Variants in BMP2K observed in about 807,000 individuals in gnomAD.
BMP2K encodes BMP2 inducible kinase.
A neutral mutation model predicts 116.0 loss-of-function variants in BMP2K; 74 were observed. The observed-to-expected ratio is 0.64, with a 90% CI of 0.53 to 0.77. BMP2K has a LOEUF of 0.77. Ranked by LOEUF, BMP2K falls within the 30% of genes least tolerant of loss-of-function variation. The pLI is 0.00. For missense variants in BMP2K, 1,365 were observed against 1,403.6 expected (o/e 0.97, Z 0.44); for synonymous variants, 486 against 502.5 (o/e 0.97, Z 0.44).
In BMP2K at chr4:78,878,191, A is replaced by C. The variant is rs181508153; in HGVS notation, c.1794-543A>C. On this transcript the variant is annotated intron_variant, in intron 13 of 15. Coordinates refer to ENST00000502613, the MANE Select transcript of BMP2K (RefSeq NM_198892.2). The stretch of plus-strand genomic sequence containing the variant: ...TCCTAGCAATTCATCTTTTGTTGGT[A>C]GCTATATATAGGGAATGCCTTTGTC... Among the ~76,000 whole-genome samples, 393 of 152,256 alleles carry C rather than the reference A, an allele frequency of 2.6e-3. 1 individual carries two copies. The highest frequency in any genetic ancestry group is 4.4e-3 in the Non-Finnish European group (301 of 68,006).
At chr4:78,897,165 T>A (rs1282245248) in intron 15 of BMP2K, among the ~76,000 whole-genome samples, 2 of 151,658 alleles carry the variant, frequency 1.3e-5, no homozygotes, top group Non-Finnish European at 2.9e-5. Flanking sequence ...AAAACTTTTT[T>A]TTGAGAGCAG....
chr4:78,783,016 C>A (rs541308596), intron 1 of BMP2K, among the ~76,000 whole-genome samples: 2 of 152,338 alleles, frequency 1.3e-5, no homozygotes, highest in African/African-American at 4.8e-5. Flanking sequence ...CAAATCTCTT[C>A]ATAACTATGA....
intron 15 of BMP2K, among the ~76,000 whole-genome samples, chr4:78,889,113 C>T (rs932654761): frequency 8.7e-5 from 13 of 148,794 alleles, no homozygotes; most frequent in Non-Finnish European, 1.6e-4. Context: ...CCCAGCTACT[C>T]GGGAGGCTAA....
Position 78,790,616 on chromosome 4 carries a change from C to CA in BMP2K, c.178+13902dup, listed in dbSNP as rs1578468583. ...TATTTCTTCCTAAATAAACTCAGTA[C>CA]AAAAAAAGATAATTTTTCTAATATT... On this transcript the variant is annotated intron_variant, in intron 1 of 15. Transcript: ENST00000502613. Among the ~76,000 whole-genome samples the CA allele has an allele frequency of 2.0e-5, 3 of 152,114 alleles. No homozygotes were observed. In the East Asian group the frequency reaches 5.8e-4, roughly 29 times the overall value.
At chr4:78,874,820 T>C (rs1165073616) in intron 13 of BMP2K, among the ~76,000 whole-genome samples, 3 of 152,238 alleles carry the variant, frequency 2.0e-5, no homozygotes, top group African/African-American at 7.2e-5. Flanking sequence ...ACTATAGCAC[T>C]GTCTGCTTTA....
At chr4:78,882,990 CT>C (rs1392037838) in intron 14 of BMP2K, among the ~76,000 whole-genome samples, 1 of 151,950 alleles carries the variant, frequency 6.6e-6, no homozygotes, top group Non-Finnish European at 1.5e-5. Flanking sequence ...ACCTTTTAGC[CT>C]TTTACACCAT....
At chr4:78,873,233 C>A (rs1012556683) in intron 13 of BMP2K, among the ~76,000 whole-genome samples, 1 of 152,130 alleles carries the variant, frequency 6.6e-6, no homozygotes, top group Non-Finnish European at 1.5e-5. Context: ...AACATTTTTA[C>A]ATATATGTAT....
chr4:78,802,786 CTTTG>C (rs917361931), intron 1 of BMP2K, among the ~76,000 whole-genome samples: 8 of 151,808 alleles, frequency 5.3e-5, no homozygotes, highest in African/African-American at 9.6e-5. Flanking sequence ...TTCTATAGTC[CTTTG>C]TTTATCTCTG....
At chr4:78,830,516 G>A (rs1250070960) in intron 2 of BMP2K, among the ~76,000 whole-genome samples, 8 of 152,120 alleles carry the variant, frequency 5.3e-5, no homozygotes, top group Non-Finnish European at 1.2e-4. Context: ...ATACAGCATC[G>A]ACTTCTTCTC....
rs376891571 is a variant in BMP2K, at chr4:78,911,533, C to T, written c.2986C>T (p.Arg996Trp). ...KQDMSKSNGKRHHGTPTSTKK... is the reference protein window; with the variant it reads ...KQDMSKSNGKWHHGTPTSTKK... The stretch of plus-strand genomic sequence containing the variant: ...GGATATGTCCAAAAGTAATGGGAAG[C>T]GGCATCATGGCACGCCAACTAGCAC... The change falls in exon 16 of 16, where the codon CGG becomes TGG. Residue 996 changes from arginine (R) to tryptophan (W), a missense_variant. Physicochemically the swap from Arg to Trp is moderately radical, Grantham distance 101 (BLOSUM62 -3). Transcript: ENST00000502613. 6 of 1,614,008 alleles carry T rather than the reference C, an allele frequency of 3.7e-6. No individual in the cohort carries two copies. The highest frequency in any genetic ancestry group is 1.1e-5 in the South Asian group (1 of 91,082).
At chr4:78,904,635 A>G (rs1734197701) in intron 15 of BMP2K, among the ~76,000 whole-genome samples, 1 of 151,966 alleles carries the variant, frequency 6.6e-6, no homozygotes, top group South Asian at 2.1e-4. Context: ...ATCAGACTCA[A>G]CCTCAAAAGA....
At chr4:78,883,502 T>A (rs1286168636) in intron 14 of BMP2K, among the ~76,000 whole-genome samples, 1 of 152,210 alleles carries the variant, frequency 6.6e-6, no homozygotes, top group Non-Finnish European at 1.5e-5. Flanking sequence ...TTCTGATTCC[T>A]ATTTTGAAAT....
chr4:78,807,729 C>T (rs1367900090), intron 1 of BMP2K, among the ~76,000 whole-genome samples: 2 of 150,822 alleles, frequency 1.3e-5, no homozygotes, highest in African/African-American at 2.4e-5. Flanking sequence ...CTATAATTGC[C>T]TTACAATCCT....
intron 10 of BMP2K, among the ~76,000 whole-genome samples, chr4:78,868,964 T>C (rs1732199771): frequency 6.6e-6 from 1 of 152,184 alleles, no homozygotes; most frequent in Non-Finnish European, 1.5e-5. Flanking sequence ...TCTACTATTC[T>C]GGGGTCTGGA....
At chr4:78,906,895 T>A (rs1734313914) in intron 15 of BMP2K, among the ~76,000 whole-genome samples, 1 of 152,074 alleles carries the variant, frequency 6.6e-6, no homozygotes, top group African/African-American at 2.4e-5. Context: ...ATAAAGAAAG[T>A]GGAATAGTGG....
chr4:78,904,882 A>C (rs985583706), intron 15 of BMP2K, among the ~76,000 whole-genome samples: 2 of 151,942 alleles, frequency 1.3e-5, no homozygotes, highest in Non-Finnish European at 2.9e-5. Flanking sequence ...TTCTGAAAAT[A>C]AGATAGTTAT....
chr4:78,909,121 C>T (rs1264039610), intron 15 of BMP2K, among the ~76,000 whole-genome samples: 1 of 134,552 alleles, frequency 7.4e-6, no homozygotes, highest in African/African-American at 2.9e-5. Context: ...TGCAGTGGTG[C>T]GATCTTGGCT....
chr4:78,867,594 A>T (rs1231905637), intron 10 of BMP2K, among the ~76,000 whole-genome samples: 1 of 152,094 alleles, frequency 6.6e-6, no homozygotes, highest in Non-Finnish European at 1.5e-5. Context: ...TTAACACGTG[A>T]GTATTGTATT....
chr4:78,878,531 T>G (rs1395731658), intron 13 of BMP2K, among the ~76,000 whole-genome samples: 2 of 152,180 alleles, frequency 1.3e-5, no homozygotes, highest in East Asian at 3.8e-4. Flanking sequence ...TGTAGGTGAT[T>G]ATGGAGCTAG....
Sources: gnomAD v4.1 joint callset for allele counts (sites outside exome capture counted in the v4.1 genomes callset) on GRCh38, gnomAD v4.1.1 for gene constraint, MANE v1.5 for transcripts, NCBI Gene and HGNC (gene_info 2026-07-23, HGNC 2026-07-21) for gene names.